The following PRMT3 variants were observed in gnomAD, a reference collection of about 807,000 sequenced individuals.
PRMT3 encodes the protein protein arginine N-methyltransferase 3.
In PRMT3, 62 loss-of-function variants were observed where a neutral mutation model predicts 71.9. The ratio of observed to expected loss-of-function variants is 0.86; its 90% CI spans 0.70 to 1.07. The LOEUF (loss-of-function observed/expected upper bound fraction) is 1.07, where lower values mean the gene tolerates loss of function less well. Among genes scored for constraint, PRMT3 ranks in the 50% least tolerant of loss-of-function variants. PRMT3 has a pLI of 0.00. For missense variants in PRMT3, 663 were observed against 643.0 expected (o/e 1.03, Z -0.34); for synonymous variants, 213 against 220.4 (o/e 0.97, Z 0.30).
At chr11:20,440,806 A>G (rs1206944817) in intron 10 of PRMT3, among the ~76,000 whole-genome samples, 1 of 152,158 alleles carries the variant, frequency 6.6e-6, no homozygotes, top group African/African-American at 2.4e-5. Context: ...TCTTTTTACT[A>G]ATCCTTTATT....
intron 13 of PRMT3, among the ~76,000 whole-genome samples, chr11:20,492,988 T>TA (rs1851244784): frequency 6.6e-6 from 1 of 151,858 alleles, no homozygotes; most frequent in Non-Finnish European, 1.5e-5. Context: ...CCGTCTCTAC[T>TA]AAAAATATAA....
intron 6 of PRMT3, 55 bp from the exon 7 acceptor site, chr11:20,397,522 C>T (rs1848851690): frequency 6.3e-7 from 1 of 1,581,052 alleles, no homozygotes; most frequent in African/African-American, 1.3e-5. Flanking sequence ...CTAGCCTTTC[C>T]TTTATTCATG....
intron 13 of PRMT3, among the ~76,000 whole-genome samples, chr11:20,493,518 G>A (rs543321143): frequency 2.2e-4 from 33 of 152,274 alleles, no homozygotes; most frequent in African/African-American, 7.7e-4. Context: ...CTTTCATGCC[G>A]CTGCAGTTGT....
chr11:20,501,132 A>G (rs1013307782), intron 15 of PRMT3, among the ~76,000 whole-genome samples: 2 of 152,136 alleles, frequency 1.3e-5, no homozygotes, highest in African/African-American at 2.4e-5. Flanking sequence ...CCTTCATGAC[A>G]TAGCTAATTT....
At chr11:20,504,184 A>G (rs1851523853) in intron 15 of PRMT3, among the ~76,000 whole-genome samples, 1 of 152,154 alleles carries the variant, frequency 6.6e-6, no homozygotes, top group South Asian at 2.1e-4. Context: ...TTAAATTTAA[A>G]AGTTAATAAT....
chr11:20,478,945 G>A lies in PRMT3; in HGVS notation c.1347+14399G>A, dbSNP rs571144198. ...AATTTTGACCTTACAAAGCTAATCAGCTAACGAAACTAATTATTAAAACAA... is the reference window on the plus strand; with the variant it reads ...AATTTTGACCTTACAAAGCTAATCAACTAACGAAACTAATTATTAAAACAA... On this transcript the variant is annotated intron_variant, in intron 13 of 15. Transcript: ENST00000331079. Among the ~76,000 whole-genome samples, 45 of 152,170 alleles carry A rather than the reference G, an allele frequency of 3.0e-4. 1 individual carries two copies. Among genetic ancestry groups the A allele is most frequent in the Non-Finnish European group, 6.3e-4 (43 of 68,036 alleles).
intron 8 of PRMT3, 139 bp downstream of exon 8, chr11:20,403,123 C>A: frequency 1.5e-6 from 1 of 652,046 alleles, no homozygotes; most frequent in East Asian, 2.7e-5. Context: ...TGATGCTGCT[C>A]TGTGGTGCAG....
chr11:20,396,027 A>C, intron 6 of PRMT3, 65 bp downstream of exon 6: 1 of 1,375,916 alleles, frequency 7.3e-7, no homozygotes, highest in South Asian at 1.3e-5. Context: ...CTAATGGCAA[A>C]GTAGAATATA....
chr11:20,494,304 G>A, intron 15 of PRMT3, 50 bp downstream of exon 15: 2 of 1,414,354 alleles, frequency 1.4e-6, no homozygotes, highest in Non-Finnish European at 2.0e-6. Context: ...TGAAGTAAAT[G>A]ATATTCATTC....
At chr11:20,469,293 T>G (rs544986243) in intron 13 of PRMT3, among the ~76,000 whole-genome samples, 2 of 152,222 alleles carry the variant, frequency 1.3e-5, no homozygotes, top group Non-Finnish European at 2.9e-5. Flanking sequence ...TGTTTTATCT[T>G]GTGAGTTCTC....
intron 8 of PRMT3, among the ~76,000 whole-genome samples, chr11:20,404,443 A>C (rs1319624944): frequency 6.6e-6 from 1 of 151,822 alleles, no homozygotes; most frequent in Non-Finnish European, 1.5e-5. Context: ...CATGTTGGTC[A>C]GGATGGCCTT....
chr11:20,397,203 T>C (rs982993833), intron 6 of PRMT3, among the ~76,000 whole-genome samples: 11 of 152,342 alleles, frequency 7.2e-5, no homozygotes, highest in Non-Finnish European at 1.5e-4. Context: ...AGAAATAATA[T>C]GGTTTTAAAG....
At chr11:20,447,498 GATA>G (rs1424236763) in intron 10 of PRMT3, among the ~76,000 whole-genome samples, 3 of 152,054 alleles carry the variant, frequency 2.0e-5, no homozygotes, top group Non-Finnish European at 2.9e-5. Context: ...TCTATGCGTT[GATA>G]ATAAGTTAGC....
chr11:20,483,098 G>C (rs11025579), intron 13 of PRMT3, among the ~76,000 whole-genome samples: 148,096 of 152,184 alleles, frequency 0.97, 72,384 homozygotes, highest in Middle Eastern at 1. Context: ...TTAAATCGTT[G>C]TTTCAGTGTT....
chr11:20,501,282 C>T (rs985335866), intron 15 of PRMT3, among the ~76,000 whole-genome samples: 4 of 152,114 alleles, frequency 2.6e-5, no homozygotes, highest in African/African-American at 9.6e-5. Flanking sequence ...TCCCTCATTC[C>T]TTCTTGATGT....
intron 10 of PRMT3, among the ~76,000 whole-genome samples, chr11:20,435,563 A>G (rs113074600): frequency 1.3e-5 from 2 of 151,326 alleles, no homozygotes; most frequent in African/African-American, 4.8e-5. Flanking sequence ...TTGTTTGCAT[A>G]TGGATATCCA....
chr11:20,448,084 C>T (rs781711819), intron 10 of PRMT3, among the ~76,000 whole-genome samples: 6 of 151,916 alleles, frequency 3.9e-5, no homozygotes, highest in African/African-American at 7.2e-5. Flanking sequence ...TTGAAGAGCC[C>T]GAGTAGGAGG....
intron 10 of PRMT3, among the ~76,000 whole-genome samples, chr11:20,444,398 AT>A (rs1466702127): frequency 6.6e-6 from 1 of 152,096 alleles, no homozygotes; most frequent in Non-Finnish European, 1.5e-5. Context: ...TATTCTACAT[AT>A]TGTTCTGTAC....
intron 8 of PRMT3, among the ~76,000 whole-genome samples, chr11:20,404,497 G>A (rs920545109): frequency 4.6e-5 from 7 of 151,898 alleles, no homozygotes; most frequent in African/African-American, 1.5e-4. Context: ...CTCCCAAAGT[G>A]CTGGGATTAC....
Sources: gnomAD v4.1 joint callset for allele counts (sites outside exome capture counted in the v4.1 genomes callset) on GRCh38, gnomAD v4.1.1 for gene constraint, MANE v1.5 for transcripts, NCBI Gene and HGNC (gene_info 2026-07-23, HGNC 2026-07-21) for gene names.